Variants in FAM234A observed in about 807,000 individuals in gnomAD.
FAM234A encodes family with sequence similarity 234 member A.
Under a neutral mutation model 49.1 loss-of-function variants are expected in FAM234A, and 42 were observed. The observed-to-expected ratio is 0.86, with a 90% CI of 0.67 to 1.11. The LOEUF (loss-of-function observed/expected upper bound fraction) is 1.11. Among genes scored for constraint, FAM234A ranks in the 50% least tolerant of loss-of-function variants. The probability of loss-of-function intolerance (pLI) is 0.00; values close to 1 mark genes in which losing one functional copy is unlikely to be tolerated. For missense variants in FAM234A, 815 were observed against 745.2 expected, an observed-to-expected ratio of 1.09 and a Z score of -1.09; for synonymous variants, 369 against 316.2, an observed-to-expected ratio of 1.17 and a Z score of -1.77.
intron 11 of FAM234A, 126 bp from the exon 12 acceptor site, chr16:264,488 G>C: frequency 1.3e-6 from 1 of 765,076 alleles, no homozygotes; most frequent in Non-Finnish European, 2.1e-6. Flanking sequence ...ACTGGGGGCT[G>C]GCATTTGGGG....
intron 5 of FAM234A, 185 bp downstream of exon 5, chr16:260,345 C>T (rs561800704): frequency 6.1e-5 from 38 of 625,670 alleles, no homozygotes; most frequent in Middle Eastern, 3.2e-4. Context: ...GCACACGCCT[C>T]GGCTGCCTTC....
Position 264,082 on chromosome 16 carries a change from G to T in FAM234A, c.1255G>T (p.Gly419Cys). Reference protein sequence around the residue: ...CSLALPSLPGGPLSASLPTAD... With the variant: ...CSLALPSLPGCPLSASLPTAD... ...CCTAGCCCTCCCGAGCCTCCCTGGGGGTCCACTGTCCGCCAGCCTGCCGAC... is the reference window on the plus strand; with the variant it reads ...CCTAGCCCTCCCGAGCCTCCCTGGGTGTCCACTGTCCGCCAGCCTGCCGAC... The change falls in exon 11 of 13, where the codon GGT becomes TGT. Residue 419 changes from glycine to cysteine, a missense_variant. By Grantham distance (159) the Gly-to-Cys change is radical. Transcript: ENST00000399932. 1 of 1,612,910 alleles carries T rather than the reference G, an allele frequency of 6.2e-7. No homozygotes were observed. The highest frequency in any genetic ancestry group is 8.5e-7 in the Non-Finnish European group (1 of 1,179,964).
At chr16:257,960 C>T (rs2051302359) in intron 3 of FAM234A, among the ~76,000 whole-genome samples, 2 of 151,996 alleles carry the variant, frequency 1.3e-5, no homozygotes, top group African/African-American at 4.8e-5. Context: ...TGGGTTCAGG[C>T]GATTCTCCTG....
chr16:238,756 ACT>A (rs2050497721), intron 1 of FAM234A, among the ~76,000 whole-genome samples: 2 of 81,102 alleles, frequency 2.5e-5, no homozygotes, highest in African/African-American at 1.0e-4. Flanking sequence ...ACAGAGTGAG[ACT>A]CCGTCTCAAA....
intron 7 of FAM234A, 83 bp downstream of exon 7, chr16:262,308 C>A: frequency 6.3e-7 from 1 of 1,579,020 alleles, no homozygotes; most frequent in Non-Finnish European, 8.6e-7. Flanking sequence ...TGCTTCTGCT[C>A]TCGAGGTGCT....
intron 1 of FAM234A, among the ~76,000 whole-genome samples, chr16:240,667 A>G (rs1388820552): frequency 6.6e-6 from 1 of 151,842 alleles, no homozygotes; most frequent in Non-Finnish European, 1.5e-5. Context: ...CACGCCGGCT[A>G]ATTTTTGTAC....
intron 1 of FAM234A, among the ~76,000 whole-genome samples, chr16:240,714 T>C (rs1210927852): frequency 6.6e-6 from 1 of 151,960 alleles, no homozygotes; most frequent in East Asian, 1.9e-4. Flanking sequence ...GTTGGCCAGG[T>C]TGGTCTCGCA....
rs1354589463 is a variant in FAM234A at position 262,537 on chromosome 16, A to G, written c.955A>G (p.Arg319Gly). ...GAGCATGCTCAATGCCACCACCCGC[A>G]GGATGCTTTCCCACAGGTGGGTCCG... ...WESMLNATTRRMLSHSSGAVR... is the reference protein window; with the variant it reads ...WESMLNATTRGMLSHSSGAVR... The change falls in exon 8 of 13, where the codon AGG becomes GGG. Residue 319 changes from arginine to glycine, a missense_variant. Coordinates refer to ENST00000399932, the MANE Select transcript of FAM234A (RefSeq NM_032039.4). 1.2e-6 allele frequency: 2 copies of G among 1,606,938 alleles called. No individual in the cohort carries two copies. The highest frequency in any genetic ancestry group is 2.2e-5 in the East Asian group (1 of 44,758).
chr16:265,033 G>A lies in FAM234A; in HGVS notation c.*11G>A, dbSNP rs905167371. On this transcript the variant is annotated 3_prime_UTR_variant, in exon 13 of 13. Coordinates refer to ENST00000399932, the MANE Select transcript of FAM234A (RefSeq NM_032039.4). ...CAGAGTGAGGCGTAGAGGCACGCCA[G>A]CCAGAGCCTGTGGAGAGACTCCGCC... The A allele has an allele frequency of 6.3e-7, 1 of 1,589,118 alleles. No individual in the cohort carries two copies. Among genetic ancestry groups the A allele is most frequent in the Middle Eastern group, 1.7e-4 (1 of 5,996 alleles).
intron 3 of FAM234A, among the ~76,000 whole-genome samples, chr16:254,892 G>C (rs1056378080): frequency 9.2e-5 from 14 of 152,228 alleles, no homozygotes; most frequent in African/African-American, 3.4e-4. Context: ...TTTCGCTCTT[G>C]TTGCCCAGGC....
chr16:242,171 A>T (rs1029197533), intron 1 of FAM234A, among the ~76,000 whole-genome samples: 2 of 152,128 alleles, frequency 1.3e-5, no homozygotes, highest in African/African-American at 4.8e-5. Context: ...TGGAGGACAG[A>T]TAGGTGTGGC....
intron 1 of FAM234A, among the ~76,000 whole-genome samples, chr16:241,644 G>A (rs1294266002): frequency 3.3e-5 from 5 of 151,762 alleles, no homozygotes; most frequent in South Asian, 2.1e-4. Flanking sequence ...GAGGCCGGGC[G>A]CGGTGGCTCA....
At chr16:261,954 C>T in intron 6 of FAM234A, 139 bp from the exon 7 acceptor site, 1 of 1,208,160 alleles carries the variant, frequency 8.3e-7, no homozygotes, top group Non-Finnish European at 1.2e-6. Context: ...GAGTGCCCCG[C>T]CCCCAGGCTC....
intron 11 of FAM234A, 95 bp from the exon 12 acceptor site, chr16:264,519 C>A: frequency 2.2e-6 from 2 of 916,960 alleles, no homozygotes; most frequent in Non-Finnish European, 3.4e-6. Flanking sequence ...GGGCCCCTAG[C>A]AGACATAGAG....
At position 264,881 on chromosome 16, in the gene FAM234A, C is replaced by T. The variant is rs368148584; in HGVS notation, c.1518C>T (p.Pro506=). The change falls in exon 13 of 13, where the codon CCC becomes CCT. Residue 506 remains proline (P), a synonymous_variant. Coordinates refer to ENST00000399932, the MANE Select transcript of FAM234A (RefSeq NM_032039.4). The part of the protein sequence containing the change: ...LLTGPADSEA[P]GLVSVIKHKV... ...CAGGCCCGGCAGACTCAGAGGCACCCGGCCTGGTCTCTGTGATCAAGCACA... is the reference window on the plus strand; with the variant it reads ...CAGGCCCGGCAGACTCAGAGGCACCTGGCCTGGTCTCTGTGATCAAGCACA... The T allele has an allele frequency of 1.8e-5, 29 of 1,612,588 alleles. No individual in the cohort carries two copies. Among genetic ancestry groups the T allele is most frequent in the African/African-American group, 1.1e-4 (8 of 74,928 alleles).
At position 252,477 on chromosome 16, in the gene FAM234A, C is replaced by T. The variant is rs958018179; in HGVS notation, c.-33-1904C>T. The stretch of plus-strand genomic sequence containing the variant: ...GATTACAGCCGTGAGCCACCGTGCC[C>T]GGCCGGAAAGTCTGTTTTTAATTCT... On this transcript the variant is annotated intron_variant, in intron 2 of 12. Transcript: ENST00000399932. 3.3e-5 allele frequency among the ~76,000 whole-genome samples: 5 copies of T among 152,056 alleles called. No homozygotes were observed. The East Asian group carries it at 5.8e-4, about 18-fold the overall frequency.
intron 1 of FAM234A, among the ~76,000 whole-genome samples, chr16:238,288 G>C (rs2050472486): frequency 6.6e-6 from 1 of 152,034 alleles, no homozygotes; most frequent in African/African-American, 2.4e-5. Context: ...CAAAGTGCTG[G>C]AATTAGAAGC....
intron 1 of FAM234A, 68 bp downstream of exon 1, chr16:234,925 T>C (rs1199898039): frequency 1.3e-5 from 2 of 152,252 alleles, no homozygotes; most frequent in Non-Finnish European, 2.9e-5. Context: ...CCCTTCGCTC[T>C]GGGACCCCGG....
chr16:265,083 G>A lies in FAM234A; in HGVS notation c.*61G>A, dbSNP rs1373211480. 5 of 1,532,798 alleles carry A rather than the reference G, an allele frequency of 3.3e-6. No homozygotes were observed. The highest frequency in any genetic ancestry group is 3.5e-6 in the Non-Finnish European group (4 of 1,140,394). 94.9% of individuals were successfully genotyped at this position (1,532,798 alleles called of 1,614,324 possible). ...CTGCTGACACTAAACGTCCTGGGAA[G>A]TGGGCCCTTCCCTGGGTCTCTGCAC... On this transcript the variant is annotated 3_prime_UTR_variant, in exon 13 of 13. Transcript: ENST00000399932.
Sources: gnomAD v4.1 joint callset for allele counts (sites outside exome capture counted in the v4.1 genomes callset) on GRCh38, gnomAD v4.1.1 for gene constraint, MANE v1.5 for transcripts, NCBI Gene and HGNC (gene_info 2026-07-23, HGNC 2026-07-21) for gene names.